Variants in LGR4 observed in about 807,000 individuals in gnomAD.
The protein encoded by LGR4 is leucine rich repeat containing G protein-coupled receptor 4.
A neutral mutation model predicts 84.8 loss-of-function variants in LGR4; 44 were observed. That is an observed-to-expected ratio of 0.52 (90% CI 0.41 to 0.67). LGR4 has a LOEUF of 0.67. LGR4 is among the 30% of genes least tolerant of loss of function. The pLI, the probability that LGR4 is intolerant of heterozygous loss-of-function variation, is 0.00. For synonymous variants in LGR4, 429 were observed against 434.3 expected (o/e 0.99, Z 0.15); for missense variants, 1,032 against 1,131.4 (o/e 0.91, Z 1.26).
intron 1 of LGR4, among the ~76,000 whole-genome samples, chr11:27,438,588 T>C (rs892585157): frequency 6.6e-6 from 1 of 152,248 alleles, no homozygotes; most frequent in Non-Finnish European, 1.5e-5. Flanking sequence ...TAAGGGTGTT[T>C]CTGGATGAGA....
intron 15 of LGR4, chr11:27,373,299 A>T (rs1171158269): frequency 9.8e-6 from 3 of 304,590 alleles, no homozygotes; most frequent in African/African-American, 6.5e-5. Context: ...AGTCCACTGT[A>T]TTAAAAAACC....
chr11:27,376,690 G>T (rs1256306830), intron 12 of LGR4, among the ~76,000 whole-genome samples: 1 of 152,126 alleles, frequency 6.6e-6, no homozygotes, highest in African/African-American at 2.4e-5. Flanking sequence ...ATAAGAGAAG[G>T]AAGATGATGC....
intron 4 of LGR4, among the ~76,000 whole-genome samples, 155 bp downstream of exon 4, chr11:27,390,939 C>T (rs749096341): frequency 3.3e-5 from 5 of 152,158 alleles, no homozygotes; most frequent in Admixed American, 2.6e-4. Context: ...CTCCTTCTCC[C>T]TCACCAAAGG....
At chr11:27,419,985 G>A (rs1327666238) in intron 1 of LGR4, among the ~76,000 whole-genome samples, 1 of 151,994 alleles carries the variant, frequency 6.6e-6, no homozygotes, top group Non-Finnish European at 1.5e-5. Flanking sequence ...TGATAGAAAT[G>A]ATCTATATCT....
At chr11:27,448,580 C>T (rs1864432369) in intron 1 of LGR4, among the ~76,000 whole-genome samples, 1 of 152,110 alleles carries the variant, frequency 6.6e-6, no homozygotes, top group Non-Finnish European at 1.5e-5. Context: ...GCGTGAGCCA[C>T]CGCGCCCTGC....
intron 2 of LGR4, among the ~76,000 whole-genome samples, chr11:27,409,961 G>C (rs1863679652): frequency 6.6e-6 from 1 of 152,096 alleles, no homozygotes; most frequent in East Asian, 1.9e-4. Flanking sequence ...TCTCCCCCTA[G>C]ATCAATGTTG....
chr11:27,436,656 AT>A (rs1864217203), intron 1 of LGR4, among the ~76,000 whole-genome samples: 1 of 152,190 alleles, frequency 6.6e-6, no homozygotes, highest in Non-Finnish European at 1.5e-5. Context: ...AAAATAAATC[AT>A]GATAGCAGTA....
At chr11:27,369,994 C>T (rs1161458262) in intron 17 of LGR4, among the ~76,000 whole-genome samples, 1 of 152,178 alleles carries the variant, frequency 6.6e-6, no homozygotes, top group Non-Finnish European at 1.5e-5. Flanking sequence ...TGCAAGAACT[C>T]ATTCAGTCGC....
intron 1 of LGR4, among the ~76,000 whole-genome samples, chr11:27,417,527 A>C (rs1382400843): frequency 6.6e-6 from 1 of 152,194 alleles, no homozygotes; most frequent in Non-Finnish European, 1.5e-5. Flanking sequence ...AGTAGTAAAG[A>C]CACACATAAC....
At chr11:27,453,289 G>A (rs1017847548) in intron 1 of LGR4, among the ~76,000 whole-genome samples, 4 of 152,042 alleles carry the variant, frequency 2.6e-5, no homozygotes, top group Admixed American at 1.3e-4. Flanking sequence ...GGCTGGTCTC[G>A]AACTCCCAAC....
chr11:27,440,484 T>C (rs1473438469), intron 1 of LGR4, among the ~76,000 whole-genome samples: 2 of 152,184 alleles, frequency 1.3e-5, no homozygotes, highest in Non-Finnish European at 2.9e-5. Flanking sequence ...AAGATTCCAG[T>C]TTTACAGAGC....
At chr11:27,415,392 A>G (rs1357441155) in intron 1 of LGR4, among the ~76,000 whole-genome samples, 1 of 152,102 alleles carries the variant, frequency 6.6e-6, no homozygotes, top group Non-Finnish European at 1.5e-5. Context: ...CCAGAAAAAG[A>G]CACATAATTA....
intron 1 of LGR4, among the ~76,000 whole-genome samples, chr11:27,429,927 C>T (rs1864088113): frequency 6.6e-6 from 1 of 152,046 alleles, no homozygotes; most frequent in Non-Finnish European, 1.5e-5. Context: ...CCCCTGCAGC[C>T]CTGCAGGGCA....
chr11:27,393,166 A>G (rs1488912361), intron 2 of LGR4, among the ~76,000 whole-genome samples: 1 of 152,192 alleles, frequency 6.6e-6, no homozygotes, highest in Non-Finnish European at 1.5e-5. Flanking sequence ...AAGAAATCTG[A>G]GCACCCAATT....
At chr11:27,431,455 T>G (rs577863242) in intron 1 of LGR4, among the ~76,000 whole-genome samples, 1 of 152,320 alleles carries the variant, frequency 6.6e-6, no homozygotes, top group African/African-American at 2.4e-5. Context: ...TTCTAACCCC[T>G]AGCCCAACAC....
chr11:27,385,390 C>T lies in LGR4; in HGVS notation c.480G>A (p.Leu160=), dbSNP rs749352788. 11 of 1,612,614 alleles carry T rather than the reference C, an allele frequency of 6.8e-6. No homozygotes were observed. The South Asian group carries it at 9.9e-5, about 15-fold the overall frequency. ...EGLVQLRHLW[L]DDNSLTEVPV... ...GCACCTCCGTCAAGCTGTTGTCATC[C>T]AGCCACAGATGCCGTAACTGAACAA... Residue 160 remains leucine, a synonymous_variant, in exon 5 of 18, where the codon CTG becomes CTA. Coordinates refer to ENST00000379214, the MANE Select transcript of LGR4 (RefSeq NM_018490.5).
chr11:27,450,564 G>A lies in LGR4; in HGVS notation c.185+21554C>T, dbSNP rs143333677. 3.0e-3 allele frequency among the ~76,000 whole-genome samples: 461 copies of A among 152,206 alleles called. 3 individuals carry two copies. Among genetic ancestry groups the A allele is most frequent in the Non-Finnish European group, 4.5e-3 (303 of 68,024 alleles). ...AGTACTTTGAGAAGCCGAGGTGGGT[G>A]GATCACCTGAGGTCGGGAGTTTGAG... On this transcript the variant is annotated intron_variant, in intron 1 of 17. Coordinates refer to ENST00000379214, the MANE Select transcript of LGR4 (RefSeq NM_018490.5).
At chr11:27,431,699 T>C (rs912156606) in intron 1 of LGR4, among the ~76,000 whole-genome samples, 5 of 152,204 alleles carry the variant, frequency 3.3e-5, no homozygotes, top group East Asian at 1.9e-4. Context: ...GACAAAAGGA[T>C]TGTCCATCCA....
intron 1 of LGR4, among the ~76,000 whole-genome samples, chr11:27,468,567 C>T (rs1033725500): frequency 3.9e-5 from 6 of 152,064 alleles, no homozygotes; most frequent in African/African-American, 1.4e-4. Context: ...AGGATCATAA[C>T]CTTATTGTCA....
Sources: gnomAD v4.1 joint callset for allele counts (sites outside exome capture counted in the v4.1 genomes callset) on GRCh38, gnomAD v4.1.1 for gene constraint, MANE v1.5 for transcripts, NCBI Gene and HGNC (gene_info 2026-07-23, HGNC 2026-07-21) for gene names.